ASTN2: variants seen among roughly 807,000 people sequenced by gnomAD.
The protein encoded by ASTN2 is astrotactin-2.
Under a neutral mutation model 139.8 loss-of-function variants are expected in ASTN2, and 54 were observed. That is an observed-to-expected ratio of 0.39 (90% CI 0.31 to 0.48). The LOEUF (loss-of-function observed/expected upper bound fraction) is 0.48. Ranked by LOEUF, ASTN2 falls within the 20% of genes least tolerant of loss-of-function variation. The pLI is 0.95. For synonymous variants in ASTN2, 756 were observed against 719.5 expected (o/e 1.05, Z -0.81); for missense variants, 1,565 against 1,725.1 (o/e 0.91, Z 1.64).
chr9:117,227,118 G>T (rs1203069320), intron 2 of ASTN2, among the ~76,000 whole-genome samples: 1 of 152,170 alleles, frequency 6.6e-6, no homozygotes, highest in Non-Finnish European at 1.5e-5. Context: ...GGTTAGGGGA[G>T]TTGGTGTGGG....
At chr9:116,657,008 C>G (rs1858258042) in intron 16 of ASTN2, among the ~76,000 whole-genome samples, 1 of 152,166 alleles carries the variant, frequency 6.6e-6, no homozygotes, top group African/African-American at 2.4e-5. Flanking sequence ...ACTTTTATAT[C>G]ATAAAGAACG....
chr9:117,309,877 G>C (rs1827918357), intron 1 of ASTN2, among the ~76,000 whole-genome samples: 2 of 152,072 alleles, frequency 1.3e-5, no homozygotes, highest in Admixed American at 6.6e-5. Context: ...CATTTAGAAA[G>C]GTCCCATGCT....
intron 3 of ASTN2, among the ~76,000 whole-genome samples, chr9:117,169,702 A>T (rs1002799389): frequency 7.0e-6 from 1 of 143,240 alleles, no homozygotes; most frequent in Non-Finnish European, 1.5e-5. Context: ...GGCGCCTACT[A>T]TGTGCAGCTT....
intron 7 of ASTN2, among the ~76,000 whole-genome samples, chr9:116,990,386 C>A (rs1156516616): frequency 6.6e-6 from 1 of 151,726 alleles, no homozygotes; most frequent in Non-Finnish European, 1.5e-5. Flanking sequence ...CCTGCCTCCG[C>A]CTCCCGAGTA....
chr9:117,205,868 A>T (rs948454122), intron 3 of ASTN2, among the ~76,000 whole-genome samples: 1 of 152,214 alleles, frequency 6.6e-6, no homozygotes, highest in Non-Finnish European at 1.5e-5. Flanking sequence ...AAAGGAAAAT[A>T]GCTAAATTCC....
intron 11 of ASTN2, among the ~76,000 whole-genome samples, chr9:116,839,328 T>G (rs1189269936): frequency 6.6e-6 from 1 of 152,126 alleles, no homozygotes; most frequent in African/African-American, 2.4e-5. Flanking sequence ...TATTTTTATT[T>G]TTATTTTTTT....
chr9:117,325,301 G>A (rs1314662606), intron 1 of ASTN2, among the ~76,000 whole-genome samples: 4 of 152,128 alleles, frequency 2.6e-5, no homozygotes, highest in African/African-American at 9.7e-5. Context: ...GGGCCAGAGT[G>A]TACAGGCTCA....
chr9:117,396,021 T>C (rs886743506), intron 1 of ASTN2, among the ~76,000 whole-genome samples: 6 of 152,078 alleles, frequency 3.9e-5, no homozygotes, highest in Admixed American at 2.0e-4. Context: ...ATCTATAAAA[T>C]AGGGGATAGT....
chr9:116,917,356 G>C (rs1164835724), intron 10 of ASTN2, among the ~76,000 whole-genome samples: 3 of 151,714 alleles, frequency 2.0e-5, no homozygotes, highest in Admixed American at 2.0e-4. Flanking sequence ...TAGACCATAA[G>C]CTCTAAGAGG....
intron 1 of ASTN2, among the ~76,000 whole-genome samples, chr9:117,328,390 T>C (rs1828591460): frequency 6.6e-6 from 1 of 152,120 alleles, no homozygotes; most frequent in African/African-American, 2.4e-5. Flanking sequence ...AAAGTAAGAT[T>C]TGAGAAACTT....
intron 22 of ASTN2, among the ~76,000 whole-genome samples, chr9:116,435,430 G>A (rs1847620656): frequency 6.6e-6 from 1 of 152,192 alleles, no homozygotes; most frequent in Non-Finnish European, 1.5e-5. Context: ...GAATAAACTT[G>A]TGAACAGAAC....
intron 12 of ASTN2, among the ~76,000 whole-genome samples, chr9:116,813,382 A>T (rs2132258633): frequency 6.6e-6 from 1 of 152,308 alleles, no homozygotes; most frequent in East Asian, 1.9e-4. Flanking sequence ...GGGTACTTTC[A>T]TTCCAACATT....
chr9:117,256,197 G>A (rs181535812), intron 2 of ASTN2, among the ~76,000 whole-genome samples: 2 of 152,232 alleles, frequency 1.3e-5, no homozygotes, highest in East Asian at 1.9e-4. Flanking sequence ...CCTCACCCAG[G>A]ACTCGCCTTA....
intron 10 of ASTN2, among the ~76,000 whole-genome samples, chr9:116,884,703 G>A (rs1833544139): frequency 6.6e-6 from 1 of 151,408 alleles, no homozygotes; most frequent in African/African-American, 2.4e-5. Flanking sequence ...TAGTTTGCTA[G>A]CCATCTTTGG....
At chr9:117,262,322 T>C (rs184001268) in intron 2 of ASTN2, among the ~76,000 whole-genome samples, 2 of 152,284 alleles carry the variant, frequency 1.3e-5, no homozygotes, top group East Asian at 3.9e-4. Flanking sequence ...AAAAACACTT[T>C]GTGGTTATTA....
intron 16 of ASTN2, among the ~76,000 whole-genome samples, chr9:116,673,106 T>C (rs1859296648): frequency 1.3e-5 from 2 of 152,344 alleles, no homozygotes; most frequent in South Asian, 2.1e-4. Context: ...TTCATTTACA[T>C]AGAGCATACA....
At chr9:117,218,962 A>G (rs1318943559) in intron 2 of ASTN2, among the ~76,000 whole-genome samples, 1 of 152,226 alleles carries the variant, frequency 6.6e-6, no homozygotes, top group African/African-American at 2.4e-5. Context: ...TGCCTGGCAC[A>G]TGGTAAACCA....
At chr9:116,494,428 G>A (rs1024882570) in intron 19 of ASTN2, among the ~76,000 whole-genome samples, 2 of 152,042 alleles carry the variant, frequency 1.3e-5, no homozygotes, top group African/African-American at 4.8e-5. Flanking sequence ...TTTGTCTGAT[G>A]GCAAAATTTT....
At chr9:116,566,270 C>T (rs1853226826) in intron 19 of ASTN2, among the ~76,000 whole-genome samples, 1 of 152,010 alleles carries the variant, frequency 6.6e-6, no homozygotes, top group African/African-American at 2.4e-5. Context: ...ATATGTTGGG[C>T]CTTTGCTTTT....
Sources: gnomAD v4.1 joint callset for allele counts (sites outside exome capture counted in the v4.1 genomes callset) on GRCh38, gnomAD v4.1.1 for gene constraint, MANE v1.5 for transcripts, NCBI Gene and HGNC (gene_info 2026-07-23, HGNC 2026-07-21) for gene names.